The following HSPG2 variants were observed in gnomAD, a reference collection of about 807,000 sequenced individuals.
HSPG2 encodes the protein basement membrane-specific heparan sulfate proteoglycan core protein.
Under a neutral mutation model 526.6 loss-of-function variants are expected in HSPG2, and 278 were observed. The ratio of observed to expected loss-of-function variants is 0.53; its 90% CI spans 0.48 to 0.58. The LOEUF is 0.58. Among genes scored for constraint, HSPG2 ranks in the 20% least tolerant of loss-of-function variants. HSPG2 has a pLI of 0.00. For synonymous variants in HSPG2, 2,465 were observed against 2,555.4 expected, an observed-to-expected ratio of 0.96 and a Z score of 1.07; for missense variants, 5,354 against 6,099.5, an observed-to-expected ratio of 0.88 and a Z score of 4.07.
At chr1:21,855,189 G>A in intron 47 of HSPG2, 115 bp downstream of exon 47, 1 of 1,427,474 alleles carries the variant, frequency 7.0e-7, no homozygotes. Flanking sequence ...CATCTTGGAG[G>A]TGAAGGGAGC....
At chr1:21,876,919 C>T (rs539946923) in intron 21 of HSPG2, among the ~76,000 whole-genome samples, 1 of 152,158 alleles carries the variant, frequency 6.6e-6, no homozygotes, top group Admixed American at 6.5e-5. Context: ...ATTAGCCTGG[C>T]GTGGTGGCAC....
At chr1:21,910,804 A>G (rs1214754274) in intron 1 of HSPG2, among the ~76,000 whole-genome samples, 1 of 152,162 alleles carries the variant, frequency 6.6e-6, no homozygotes, top group Non-Finnish European at 1.5e-5. Context: ...CAAAGAACAC[A>G]TCAAGCCTTA....
chr1:21,876,830 G>A (rs535507861), intron 21 of HSPG2, among the ~76,000 whole-genome samples, 178 bp from the exon 22 acceptor site: 3 of 152,262 alleles, frequency 2.0e-5, no homozygotes, highest in South Asian at 4.1e-4. Flanking sequence ...AGGCCAAGGC[G>A]GGTGGATCAC....
chr1:21,846,636 T>C, intron 62 of HSPG2, 37 bp from the exon 63 acceptor site: 1 of 1,612,884 alleles, frequency 6.2e-7, no homozygotes. Flanking sequence ...GCACAGCCGT[T>C]GTCAGATTTG....
rs375386900 is a variant in HSPG2, at chr1:21,864,219, G to C, written c.4627-6C>G. 89 of 1,550,306 alleles carry C rather than the reference G, an allele frequency of 5.7e-5. No homozygotes were observed. In the African/African-American group the frequency reaches 1.1e-3, roughly 20 times the overall value. On this transcript the variant is annotated splice_polypyrimidine_tract_variant and splice_region_variant and intron_variant, in intron 36 of 96. Transcript: ENST00000374695. The surrounding 1 kb of genome is among the most constrained non-coding windows in gnomAD (Gnocchi z 4.8). ...GTGTAGCCGGGGGCACAGTCCTAGG[G>C]GCAGAGAGGAAGGTTGGCCTCTGTT...
rs984726151 is a variant in HSPG2, at chr1:21,872,457, G to A, written c.4030-80C>T. The A allele has an allele frequency of 7.0e-7, 1 of 1,425,260 alleles. No homozygotes were observed. Among genetic ancestry groups the A allele is most frequent in the Non-Finnish European group, 9.6e-7 (1 of 1,036,814 alleles). 88.3% of individuals were successfully genotyped at this position (1,425,260 alleles called of 1,614,324 possible). On this transcript the variant is annotated intron_variant, in intron 32 of 96. Coordinates refer to ENST00000374695, the MANE Select transcript of HSPG2 (RefSeq NM_005529.7). The surrounding 1 kb of genome is among the most constrained non-coding windows in gnomAD (Gnocchi z 5.5). ...GGGATGGGGCACGGGAGGGTGTTAAGGTGCGGAATGGGGTCCTGTTGAGAT... is the reference window on the plus strand; with the variant it reads ...GGGATGGGGCACGGGAGGGTGTTAAAGTGCGGAATGGGGTCCTGTTGAGAT...
intron 1 of HSPG2, chr1:21,908,706 T>G (rs577006997): frequency 1.2e-5 from 6 of 503,520 alleles, no homozygotes; most frequent in Non-Finnish European, 2.1e-5. Flanking sequence ...AGCCATCAAC[T>G]TAAACGACCC....
chr1:21,927,492 A>AG (rs892155118), intron 1 of HSPG2, among the ~76,000 whole-genome samples: 1 of 149,406 alleles, frequency 6.7e-6, no homozygotes, highest in Non-Finnish European at 1.5e-5. Flanking sequence ...AGTGTAGGCC[A>AG]GGGGGGGACA....
At position 21,887,778 on chromosome 1, in the gene HSPG2, C is replaced by T. The variant is rs2152763087; in HGVS notation, c.704-104G>A. On this transcript the variant is annotated intron_variant, in intron 7 of 96. Coordinates refer to ENST00000374695, the MANE Select transcript of HSPG2 (RefSeq NM_005529.7). The surrounding 1 kb of genome is among the most constrained non-coding windows in gnomAD (Gnocchi z 5.0). ...CCACCCTGTACTCCCCAACACCACTCCCTGCCACCCCCTGCCTGGCTCTGT... is the reference window on the plus strand; with the variant it reads ...CCACCCTGTACTCCCCAACACCACTTCCTGCCACCCCCTGCCTGGCTCTGT... 11 of 1,533,848 alleles carry T rather than the reference C, an allele frequency of 7.2e-6. No individual in the cohort carries two copies. The highest frequency in any genetic ancestry group is 9.9e-6 in the Non-Finnish European group (11 of 1,110,076).
chr1:21,875,055 C>A lies in HSPG2; in HGVS notation c.3303-53G>T, dbSNP rs900350129. 15 of 1,306,924 alleles carry A rather than the reference C, an allele frequency of 1.1e-5. No individual in the cohort carries two copies. The East Asian group carries it at 3.0e-4, about 26-fold the overall frequency. 81.0% of individuals were successfully genotyped at this position (1,306,924 alleles called of 1,614,324 possible). A position where few individuals can be genotyped will look rare whatever the true frequency, so the allele number is the denominator to read the frequency against. ...AGGAGTGCTGGCTCTGTGCCAGGCA[C>A]GCCTGGAGTCCTCCACTGGCAGGGT... On this transcript the variant is annotated intron_variant, in intron 25 of 96. Transcript: ENST00000374695.
At chr1:21,856,065 G>A (rs748288369) in intron 44 of HSPG2, among the ~76,000 whole-genome samples, 153 bp from the exon 45 acceptor site, 16 of 152,166 alleles carry the variant, frequency 1.1e-4, no homozygotes, top group Non-Finnish European at 1.9e-4. Flanking sequence ...AATGTCAACA[G>A]GACCTTGTGA....
rs371323770 is a variant in HSPG2, at chr1:21,874,596, G to A, written c.3528+20C>T. The A allele has an allele frequency of 2.2e-5, 35 of 1,613,700 alleles. No homozygotes were observed. The African/African-American group carries it at 3.3e-4, about 15-fold the overall frequency. On this transcript the variant is annotated intron_variant, in intron 27 of 96. Coordinates refer to ENST00000374695, the MANE Select transcript of HSPG2 (RefSeq NM_005529.7). ...GAGGCCACAGATTGCTGGGGTGGGC[G>A]GAAGGAGGGCGGGACTTACCTGGCA...
In HSPG2 at chr1:21,884,771, T is replaced by C. The variant is rs372455458; in HGVS notation, c.1503A>G (p.Gln501=). 82 of 1,613,450 alleles carry C rather than the reference T, an allele frequency of 5.1e-5. No homozygotes were observed. In the East Asian group the frequency reaches 1.7e-3, roughly 33 times the overall value. Residue 501 remains glutamine (Q), a synonymous_variant, in exon 12 of 97, where the codon CAA becomes CAG. Coordinates refer to ENST00000374695, the MANE Select transcript of HSPG2 (RefSeq NM_005529.7). ...IPDGVLELVP[Q]RGPCPDGHFY... ...ACACCTGCCCTCCGGCAGTACCTCG[T>C]TGTGGGACGAGCTCAAGGACACCGT...
intron 1 of HSPG2, among the ~76,000 whole-genome samples, chr1:21,923,134 C>T (rs1345963090): frequency 2.0e-5 from 3 of 152,176 alleles, no homozygotes; most frequent in East Asian, 1.9e-4. Context: ...CAGCCGGGCA[C>T]GGTGGCTCAC....
chr1:21,833,283 G>A lies in HSPG2; in HGVS notation c.11080C>T (p.Pro3694Ser), dbSNP rs2098012543. 6.2e-7 allele frequency: 1 copy of A among 1,613,890 alleles called. No homozygotes were observed. The highest frequency in any genetic ancestry group is 1.7e-5 in the Admixed American group (1 of 60,018). Residue 3694 changes from proline (P) to serine (S), a missense_variant, in exon 80 of 97, where the codon CCC becomes TCC. Pro to Ser is a moderately conservative substitution (Grantham distance 74, BLOSUM62 -1). Coordinates refer to ENST00000374695, the MANE Select transcript of HSPG2 (RefSeq NM_005529.7). ...RKFEIKITFR[P>S]DSADGMLLYN... Reference sequence around the variant, plus strand: ...TCCTGCTCACCATCGGCTGAGTCGGGCCGGAAGGTGATCTTGATCTCGAAC... The same window carrying A: ...TCCTGCTCACCATCGGCTGAGTCGGACCGGAAGGTGATCTTGATCTCGAAC...
In HSPG2 at chr1:21,831,764, C is replaced by T. The variant is rs761107748; in HGVS notation, c.11240G>A (p.Arg3747His). 10 of 1,602,202 alleles carry T rather than the reference C, an allele frequency of 6.2e-6. No homozygotes were observed. Among genetic ancestry groups the T allele is most frequent in the Admixed American group, 3.4e-5 (2 of 59,542 alleles). The change falls in exon 82 of 97, where the codon CGC (arginine) becomes CAC (histidine). Residue 3747 changes from arginine to histidine, a missense_variant. Coordinates refer to ENST00000374695, the MANE Select transcript of HSPG2 (RefSeq NM_005529.7). ...FDAGSGMATI[R>H]HPTPLALGHF... ...GCCCAGGGCCAGTGGTGTGGGATGGCGGATGGTGGCCATGCCTGAGCCTGC... is the reference window on the plus strand; with the variant it reads ...GCCCAGGGCCAGTGGTGTGGGATGGTGGATGGTGGCCATGCCTGAGCCTGC...
At chr1:21,899,267 T>C (rs1313241288) in intron 1 of HSPG2, among the ~76,000 whole-genome samples, 1 of 152,032 alleles carries the variant, frequency 6.6e-6, no homozygotes, top group Non-Finnish European at 1.5e-5. Flanking sequence ...GTATTTCACA[T>C]CTGGGAGAGC....
chr1:21,932,493 C>T (rs1644373462), intron 1 of HSPG2, among the ~76,000 whole-genome samples: 1 of 152,202 alleles, frequency 6.6e-6, no homozygotes, highest in Non-Finnish European at 1.5e-5. Flanking sequence ...AGGTGCTAAG[C>T]ATACAGCAGT....
At chr1:21,897,289 A>G (rs1642820517) in intron 1 of HSPG2, among the ~76,000 whole-genome samples, 1 of 152,226 alleles carries the variant, frequency 6.6e-6, no homozygotes. Flanking sequence ...CAGACTGGCA[A>G]TGGCCTGGCA....
Sources: allele counts gnomAD v4.1 joint callset (sites outside exome capture counted in the v4.1 genomes callset), GRCh38; gene constraint gnomAD v4.1.1; non-coding constraint Gnocchi (gnomAD v3.1); transcripts MANE v1.5; gene names NCBI Gene and HGNC (gene_info 2026-07-23, HGNC 2026-07-21).